XRCC4: variants seen among roughly 807,000 people sequenced by gnomAD.
The protein encoded by XRCC4 is X-ray repair cross complementing 4.
In XRCC4, 28 loss-of-function variants were observed where a neutral mutation model predicts 39.1. That is an observed-to-expected ratio of 0.72 (90% CI 0.53 to 0.98). The LOEUF (loss-of-function observed/expected upper bound fraction) is 0.98. Among genes scored for constraint, XRCC4 ranks in the 50% least tolerant of loss-of-function variants. XRCC4 has a pLI of 0.00. For synonymous variants in XRCC4, 123 were observed against 126.4 expected, an observed-to-expected ratio of 0.97 and a Z score of 0.18; for missense variants, 350 against 376.4, an observed-to-expected ratio of 0.93 and a Z score of 0.58.
At chr5:83,134,216 G>A (rs546544119) in intron 3 of XRCC4, among the ~76,000 whole-genome samples, 4 of 152,286 alleles carry the variant, frequency 2.6e-5, no homozygotes, top group East Asian at 3.9e-4. Flanking sequence ...CGGAGTGTCC[G>A]GGGTAGGTGC....
chr5:83,117,256 G>A (rs372741169), intron 3 of XRCC4, among the ~76,000 whole-genome samples: 23 of 152,234 alleles, frequency 1.5e-4, no homozygotes, highest in African/African-American at 5.5e-4. Flanking sequence ...TATAGTGCCA[G>A]CATTTGGAAC....
rs1011524399 is a variant in XRCC4 at position 83,282,526 on chromosome 5, GA to G, written c.893+23860del. Reference sequence around the variant, plus strand: ...AAGGTTCCATGTGAGACTTTGTTTAGAAAAAAAAAAATCCGATCATAAAAAT... The same window carrying G: ...AAGGTTCCATGTGAGACTTTGTTTAGAAAAAAAAAATCCGATCATAAAAAT... On this transcript the variant is annotated intron_variant, in intron 7 of 7. Coordinates refer to ENST00000396027, the MANE Select transcript of XRCC4 (RefSeq NM_003401.5). Among the ~76,000 whole-genome samples the G allele has an allele frequency of 2.8e-3, 407 of 146,098 alleles. 4 individuals are homozygous for G. The highest frequency in any genetic ancestry group is 9.4e-3 in the African/African-American group (376 of 40,072).
chr5:83,299,957 A>G lies in XRCC4; in HGVS notation c.893+41280A>G, dbSNP rs549697936. 2.0e-5 allele frequency among the ~76,000 whole-genome samples: 3 copies of G among 152,276 alleles called. No individual in the cohort carries two copies. In the South Asian group the frequency reaches 6.2e-4, roughly 32 times the overall value. On this transcript the variant is annotated intron_variant, in intron 7 of 7. Coordinates refer to ENST00000396027, the MANE Select transcript of XRCC4 (RefSeq NM_003401.5). ...GAGTGAAGTGATTATTTATTATGTG[A>G]TAGCCATTTCATGGAAAATTACTTG...
chr5:83,350,196 C>T (rs576179625), intron 7 of XRCC4, among the ~76,000 whole-genome samples: 4 of 152,264 alleles, frequency 2.6e-5, no homozygotes, highest in African/African-American at 9.6e-5. Context: ...CATGTCTTTG[C>T]TGTTGTGAAT....
intron 6 of XRCC4, among the ~76,000 whole-genome samples, chr5:83,246,979 C>A (rs1753127715): frequency 6.6e-6 from 1 of 152,110 alleles, no homozygotes; most frequent in African/African-American, 2.4e-5. Flanking sequence ...GACATACATA[C>A]ATTAACCTTT....
At position 83,140,327 on chromosome 5, in the gene XRCC4, A is replaced by T. The variant is rs954740694; in HGVS notation, c.315+29124A>T. The stretch of plus-strand genomic sequence containing the variant: ...CGCAAACCACCGATGTAAGTCTAAG[A>T]GCTCAAGGGCCGAAGAACCTGGAGT... On this transcript the variant is annotated intron_variant, in intron 3 of 7. Transcript: ENST00000396027. Among the ~76,000 whole-genome samples the T allele has an allele frequency of 2.0e-5, 3 of 152,328 alleles. No individual in the cohort carries two copies. In the East Asian group the frequency reaches 5.8e-4, roughly 29 times the overall value.
At chr5:83,283,766 C>G (rs1002641977) in intron 7 of XRCC4, among the ~76,000 whole-genome samples, 11 of 152,070 alleles carry the variant, frequency 7.2e-5, no homozygotes, top group Admixed American at 3.3e-4. Context: ...GTGAAGCACT[C>G]TGTCTTGTAT....
chr5:83,336,577 C>T (rs1173562480), intron 7 of XRCC4, among the ~76,000 whole-genome samples: 12 of 152,070 alleles, frequency 7.9e-5, no homozygotes. Context: ...AGTATGATTG[C>T]TTATTTGCCC....
intron 3 of XRCC4, among the ~76,000 whole-genome samples, chr5:83,187,675 A>G (rs1580345683): frequency 6.6e-6 from 1 of 152,192 alleles, no homozygotes; most frequent in East Asian, 1.9e-4. Flanking sequence ...CATAAATTAA[A>G]GAAATAGATC....
At chr5:83,100,481 G>A (rs1321416274) in intron 1 of XRCC4, among the ~76,000 whole-genome samples, 1 of 151,702 alleles carries the variant, frequency 6.6e-6, no homozygotes, top group East Asian at 1.9e-4. Context: ...TTGTCACTTG[G>A]TTCAAATATG....
rs749965428 is a variant in XRCC4 at position 83,258,544 on chromosome 5, G to A, written c.760G>A (p.Asp254Asn). 1.4e-5 allele frequency: 22 copies of A among 1,606,690 alleles called. No individual in the cohort carries two copies. The highest frequency in any genetic ancestry group is 1.8e-5 in the Non-Finnish European group (21 of 1,178,054). The change falls in exon 7 of 8, where the codon GAT becomes AAT. Residue 254 changes from aspartate to asparagine, a missense_variant. Asp to Asn is a conservative substitution (Grantham distance 23). Transcript: ENST00000396027. ...TTTTATTTCAGCTGCTGTAAGTAAAGATGATTCCATTATTTCAAGTCTTGA... is the reference window on the plus strand; with the variant it reads ...TTTTATTTCAGCTGCTGTAAGTAAAAATGATTCCATTATTTCAAGTCTTGA... Reference protein sequence around the residue: ...SGLASAAVSKDDSIISSLDVT... With the variant: ...SGLASAAVSKNDSIISSLDVT...
intron 6 of XRCC4, among the ~76,000 whole-genome samples, chr5:83,253,936 G>C (rs542927699): frequency 1.3e-5 from 2 of 152,180 alleles, no homozygotes; most frequent in African/African-American, 4.8e-5. Context: ...GTGGCTTTTT[G>C]TGGAGCCACC....
At chr5:83,316,255 C>A (rs899058197) in intron 7 of XRCC4, among the ~76,000 whole-genome samples, 4 of 152,042 alleles carry the variant, frequency 2.6e-5, no homozygotes, top group African/African-American at 9.7e-5. Flanking sequence ...AAGGTGGCTT[C>A]TTGAAATAAA....
intron 3 of XRCC4, among the ~76,000 whole-genome samples, chr5:83,136,991 GTTAA>G (rs1747929830): frequency 6.6e-6 from 1 of 152,138 alleles, no homozygotes; most frequent in African/African-American, 2.4e-5. Flanking sequence ...GGTGATAGAT[GTTAA>G]TTAGCTTGAT....
chr5:83,245,389 A>C (rs997693420), intron 6 of XRCC4, among the ~76,000 whole-genome samples: 1 of 152,104 alleles, frequency 6.6e-6, no homozygotes, highest in African/African-American at 2.4e-5. Flanking sequence ...TGACCTTTGG[A>C]CCTATCATGT....
chr5:83,133,478 C>G (rs1747711865), intron 3 of XRCC4, among the ~76,000 whole-genome samples: 1 of 152,186 alleles, frequency 6.6e-6, no homozygotes, highest in South Asian at 2.1e-4. Context: ...CTAGGCCCTG[C>G]CCCCAAAGGT....
chr5:83,297,023 A>G (rs1580478193), intron 7 of XRCC4, among the ~76,000 whole-genome samples: 1 of 152,004 alleles, frequency 6.6e-6, no homozygotes, highest in Non-Finnish European at 1.5e-5. Context: ...CAAATAAAGA[A>G]TGAACATCTT....
chr5:83,357,450 C>CG (rs906226117), downstream of XRCC4, among the ~76,000 whole-genome samples: 5 of 150,522 alleles, frequency 3.3e-5, no homozygotes, highest in Admixed American at 1.3e-4. Flanking sequence ...TATGAGAAAT[C>CG]GGGGGGGTTG....
chr5:83,363,930 C>A, the XRCC4 span, among the ~76,000 whole-genome samples: 1 of 152,314 alleles, frequency 6.6e-6, no homozygotes, highest in African/African-American at 2.4e-5. Flanking sequence ...GTAGGTGCAA[C>A]TATGCTGTTA....
Sources: allele counts gnomAD v4.1 joint callset (sites outside exome capture counted in the v4.1 genomes callset), GRCh38; gene constraint gnomAD v4.1.1; transcripts MANE v1.5; gene names NCBI Gene and HGNC (gene_info 2026-07-23, HGNC 2026-07-21).